GLI2: variants seen among roughly 807,000 people sequenced by gnomAD.
GLI2 encodes GLI family zinc finger 2.
A neutral mutation model predicts 78.9 loss-of-function variants in GLI2; 22 were observed. That is an observed-to-expected ratio of 0.28 (90% CI 0.20 to 0.40). GLI2 has a LOEUF of 0.40. Among genes scored for constraint, GLI2 ranks in the 10% least tolerant of loss-of-function variants. The pLI is 1.00. For synonymous variants in GLI2, 974 were observed against 963.7 expected (o/e 1.01, Z -0.20); for missense variants, 2,097 against 2,213.2 (o/e 0.95, Z 1.05).
At chr2:120,829,188 T>C (rs1686235900) in intron 2 of GLI2, among the ~76,000 whole-genome samples, 1 of 152,152 alleles carries the variant, frequency 6.6e-6, no homozygotes, top group Non-Finnish European at 1.5e-5. Flanking sequence ...TATACACACA[T>C]GCACACATTC....
intron 2 of GLI2, among the ~76,000 whole-genome samples, chr2:120,837,301 G>A (rs1193554240): frequency 2.6e-5 from 4 of 151,344 alleles, no homozygotes; most frequent in African/African-American, 9.7e-5. Flanking sequence ...GGCTGAGGCA[G>A]GAGAATGGCG....
chr2:120,812,405 G>T (rs910801840), intron 2 of GLI2, among the ~76,000 whole-genome samples: 1 of 152,190 alleles, frequency 6.6e-6, no homozygotes, highest in South Asian at 2.1e-4. Flanking sequence ...GTGCATCCTT[G>T]TCTTTCACGG....
At chr2:120,894,616 G>A (rs1443232517) in intron 2 of GLI2, among the ~76,000 whole-genome samples, 1 of 151,954 alleles carries the variant, frequency 6.6e-6, no homozygotes, top group Non-Finnish European at 1.5e-5. Context: ...CCTTGGGGGG[G>A]GGTACCAGTG....
intron 2 of GLI2, among the ~76,000 whole-genome samples, chr2:120,921,253 T>C (rs1679364563): frequency 6.7e-6 from 1 of 149,372 alleles, no homozygotes; most frequent in Admixed American, 6.6e-5. Flanking sequence ...TGCACGTGTG[T>C]GCATGTGTGT....
chr2:120,898,344 T>G (rs562234557), intron 2 of GLI2, among the ~76,000 whole-genome samples: 32 of 152,278 alleles, frequency 2.1e-4, no homozygotes, highest in Admixed American at 3.9e-4. Context: ...ACAGTGAAAA[T>G]AAATATCTAA....
Position 120,759,258 on chromosome 2 carries a change from T to C in GLI2, c.-31+22973T>C, listed in dbSNP as rs191273462. On this transcript the variant is annotated intron_variant, in intron 1 of 13. Coordinates refer to ENST00000361492, the MANE Select transcript of GLI2 (RefSeq NM_001374353.1). ...TGAATACCAGCTAGGTGTCCTCCAATTCAATTCAGTTTTGACCCTGTCTAC... is the reference window on the plus strand; with the variant it reads ...TGAATACCAGCTAGGTGTCCTCCAACTCAATTCAGTTTTGACCCTGTCTAC... 7.6e-4 allele frequency among the ~76,000 whole-genome samples: 115 copies of C among 152,242 alleles called. 2 individuals are homozygous for C. Among genetic ancestry groups the C allele is most frequent in the Admixed American group, 6.7e-3 (102 of 15,298 alleles).
intron 2 of GLI2, among the ~76,000 whole-genome samples, chr2:120,890,381 T>C (rs2104746806): frequency 6.6e-6 from 1 of 152,210 alleles, no homozygotes; most frequent in South Asian, 2.1e-4. Context: ...CTGACTGAGG[T>C]GGTAGATATT....
At chr2:120,920,510 C>T (rs1035462941) in intron 2 of GLI2, among the ~76,000 whole-genome samples, 1 of 152,226 alleles carries the variant, frequency 6.6e-6, no homozygotes, top group Admixed American at 6.5e-5. Context: ...TCACTGCCCT[C>T]CTCACTAACA....
At position 120,971,904 on chromosome 2, in the gene GLI2, C is replaced by G. The variant is rs771297156; in HGVS notation, c.1060-37C>G. 5 of 1,609,352 alleles carry G rather than the reference C, an allele frequency of 3.1e-6. No individual in the cohort carries two copies. In the East Asian group the frequency reaches 1.1e-4, roughly 36 times the overall value. On this transcript the variant is annotated intron_variant, in intron 7 of 13. Coordinates refer to ENST00000361492, the MANE Select transcript of GLI2 (RefSeq NM_001374353.1). ...AAAATTTGGGATATCCCTGCCCTGCCCCTGAGTAACAGACTGTCCTCTGCA... is the reference window on the plus strand; with the variant it reads ...AAAATTTGGGATATCCCTGCCCTGCGCCTGAGTAACAGACTGTCCTCTGCA...
intron 1 of GLI2, among the ~76,000 whole-genome samples, chr2:120,750,836 A>AG (rs1682847566): frequency 6.6e-6 from 1 of 152,260 alleles, no homozygotes; most frequent in Admixed American, 6.5e-5. Context: ...GATGTTTACC[A>AG]GGGAGCACTT....
intron 3 of GLI2, among the ~76,000 whole-genome samples, chr2:120,932,050 G>C (rs1679969130): frequency 6.6e-6 from 1 of 152,196 alleles, no homozygotes; most frequent in African/African-American, 2.4e-5. Context: ...TCCGCCCCCA[G>C]TGTCCCAGGT....
rs534977668 is a variant in GLI2, at chr2:120,911,513, G to A, written c.149-15848G>A. On this transcript the variant is annotated intron_variant, in intron 2 of 13. Transcript: ENST00000361492. ...CCGAGCAGCATGGCTTTCTCTCCTC[G>A]GTCCTAAATTAATTTAGACTGACAG... Among the ~76,000 whole-genome samples the A allele has an allele frequency of 2.9e-4, 44 of 152,108 alleles. No homozygotes were observed. In the East Asian group the frequency reaches 7.0e-3, roughly 24 times the overall value.
At chr2:120,974,320 C>T (rs956648293) in intron 8 of GLI2, among the ~76,000 whole-genome samples, 4 of 152,170 alleles carry the variant, frequency 2.6e-5, no homozygotes, top group Non-Finnish European at 1.5e-5. Flanking sequence ...CCCTGGTTAG[C>T]ATCAGTGAGG....
chr2:120,922,008 C>G (rs1247227255), intron 2 of GLI2, among the ~76,000 whole-genome samples: 1 of 152,312 alleles, frequency 6.6e-6, no homozygotes, highest in East Asian at 1.9e-4. Flanking sequence ...TTCCCTCTCC[C>G]AGGTGGATTT....
chr2:120,781,870 A>G (rs1232664410), intron 1 of GLI2, among the ~76,000 whole-genome samples: 5 of 151,156 alleles, frequency 3.3e-5, no homozygotes, highest in African/African-American at 1.2e-4. Context: ...TGACAGAGTG[A>G]GACTCCATCT....
rs539514455 is a variant in GLI2, at chr2:120,769,393, C to T, written c.-30-27898C>T. Among the ~76,000 whole-genome samples, 13 of 152,310 alleles carry T rather than the reference C, an allele frequency of 8.5e-5. No individual in the cohort carries two copies. In the South Asian group the frequency reaches 2.7e-3, roughly 32 times the overall value. ...GGGGATTCCGGGGCTCCATGGGTGC[C>T]GGGGCCTGGGGGCATCCCCTGAACC... On this transcript the variant is annotated intron_variant, in intron 1 of 13. Transcript: ENST00000361492.
At position 120,990,079 on chromosome 2, in the gene GLI2, G is replaced by A; in HGVS notation, c.4114G>A (p.Val1372Met). ...TGGCCGCCACCGTGGGGTACGTGCT[G>A]TGCAGCAGCAGCTGGCCTACGCCAG... Reference protein sequence around the residue: ...PTGRHRGVRAVQQQLAYARAT... With the variant: ...PTGRHRGVRAMQQQLAYARAT... Residue 1372 changes from valine (V) to methionine (M), a missense_variant, in exon 14 of 14, where the codon GTG becomes ATG. Transcript: ENST00000361492. 1 of 1,598,962 alleles carries A rather than the reference G, an allele frequency of 6.3e-7. No individual in the cohort carries two copies. Among genetic ancestry groups the A allele is most frequent in the Non-Finnish European group, 8.5e-7 (1 of 1,171,228 alleles).
intron 9 of GLI2, among the ~76,000 whole-genome samples, chr2:120,977,757 A>G (rs1265690991): frequency 6.6e-6 from 1 of 152,146 alleles, no homozygotes; most frequent in Non-Finnish European, 1.5e-5. Flanking sequence ...TAAGCTTCAC[A>G]CAGTGCCCAG....
At chr2:120,792,972 G>A (rs13424850) in intron 1 of GLI2, among the ~76,000 whole-genome samples, 3,186 of 152,240 alleles carry the variant, frequency 0.021, 88 homozygotes, top group African/African-American at 0.069. Context: ...CACCCCGTTC[G>A]GTTTTTCATA....
Sources: gnomAD v4.1 joint callset for allele counts (sites outside exome capture counted in the v4.1 genomes callset) on GRCh38, gnomAD v4.1.1 for gene constraint, MANE v1.5 for transcripts, NCBI Gene and HGNC (gene_info 2026-07-23, HGNC 2026-07-21) for gene names.